SUMO2: variants seen among roughly 807,000 people sequenced by gnomAD.
SUMO2 encodes small ubiquitin like modifier 2.
A neutral mutation model predicts 16.0 loss-of-function variants in SUMO2; 1 was observed. The ratio of observed to expected loss-of-function variants is 0.06; its 90% CI spans 0.02 to 0.30. The LOEUF is 0.30. SUMO2 is among the 10% of genes least tolerant of loss of function. The pLI is 1.00. For synonymous variants in SUMO2, 36 were observed against 40.6 expected, an observed-to-expected ratio of 0.89 and a Z score of 0.43; for missense variants, 16 against 117.5, an observed-to-expected ratio of 0.14 and a Z score of 3.99.
At chr17:75,179,189 C>T (rs1056077812) in intron 2 of SUMO2, among the ~76,000 whole-genome samples, 41 of 152,078 alleles carry the variant, frequency 2.7e-4, no homozygotes, top group Admixed American at 1.3e-4. Context: ...TAACACAATT[C>T]ATAAGTTCAT....
intron 3 of SUMO2, among the ~76,000 whole-genome samples, chr17:75,173,541 C>G (rs2074758614): frequency 6.6e-6 from 1 of 150,384 alleles, no homozygotes; most frequent in African/African-American, 2.4e-5. Context: ...GTGGTACCAT[C>G]TTGGGTGACG....
chr17:75,181,961 G>C (rs1403027589), intron 1 of SUMO2, among the ~76,000 whole-genome samples: 1 of 152,142 alleles, frequency 6.6e-6, no homozygotes, highest in Non-Finnish European at 1.5e-5. Context: ...GCTCCAGAAA[G>C]TAAAGGCGCG....
At chr17:75,180,412 A>AAAC (rs1555655464) in intron 2 of SUMO2, among the ~76,000 whole-genome samples, 6 of 142,450 alleles carry the variant, frequency 4.2e-5, no homozygotes, top group South Asian at 2.2e-4. Context: ...AAAAAAAAAA[A>AAAC]AAAAAAAAAC....
In SUMO2 at chr17:75,167,536, T is replaced by A. The variant is rs1465156327; in HGVS notation, c.*803A>T. 6.6e-6 allele frequency: 1 copy of A among 152,144 alleles called. No homozygotes were observed. Among genetic ancestry groups the A allele is most frequent in the Non-Finnish European group, 1.5e-5 (1 of 68,030 alleles). 9.4% of individuals were successfully genotyped at this position (152,144 alleles called of 1,614,324 possible). A position where few individuals can be genotyped will look rare whatever the true frequency, so the allele number is the denominator to read the frequency against. ...CTGCTAGTATACTTGCATATTAACA[T>A]GGGACCTAGAGAAACTTTTGGAACA... On this transcript the variant is annotated 3_prime_UTR_variant, in exon 4 of 4. Transcript: ENST00000420826.
At chr17:75,178,997 C>G (rs1445885909) in intron 2 of SUMO2, among the ~76,000 whole-genome samples, 4 of 152,104 alleles carry the variant, frequency 2.6e-5, no homozygotes, top group Admixed American at 2.6e-4. Context: ...ACTATGTTGT[C>G]CAGACTGGTC....
chr17:75,171,429 G>A (rs1007311090), intron 3 of SUMO2, among the ~76,000 whole-genome samples: 2 of 151,620 alleles, frequency 1.3e-5, no homozygotes, highest in African/African-American at 2.4e-5. Context: ...CAGGAGAATC[G>A]CTTGAACCCA....
At chr17:75,182,110 C>A (rs1169656094) in intron 1 of SUMO2, among the ~76,000 whole-genome samples, 2 of 152,182 alleles carry the variant, frequency 1.3e-5, no homozygotes, top group Non-Finnish European at 2.9e-5. Flanking sequence ...TCTCTCTGCT[C>A]GTACCTGTGC....
chr17:75,168,448 A>C, intron 3 of SUMO2, 47 bp from the exon 4 acceptor site: 4 of 1,524,098 alleles, frequency 2.6e-6, no homozygotes, highest in Non-Finnish European at 3.6e-6. Context: ...TTAAGTTCTG[A>C]AAATTAATGA....
At chr17:75,170,387 T>C (rs989158217) in intron 3 of SUMO2, among the ~76,000 whole-genome samples, 3 of 151,532 alleles carry the variant, frequency 2.0e-5, no homozygotes, top group East Asian at 3.9e-4. Flanking sequence ...CTGGCCAACA[T>C]GGTGAAACCC....
At chr17:75,176,213 G>A (rs1046646149) in intron 2 of SUMO2, among the ~76,000 whole-genome samples, 3 of 151,832 alleles carry the variant, frequency 2.0e-5, no homozygotes, top group Non-Finnish European at 4.4e-5. Context: ...CTAATTTTTT[G>A]TATTTTAGTA....
intron 2 of SUMO2, among the ~76,000 whole-genome samples, chr17:75,178,893 T>C (rs1465825490): frequency 6.6e-6 from 1 of 151,994 alleles, no homozygotes. Flanking sequence ...AGGCGGAGGA[T>C]GCAGTGAGCC....
intron 2 of SUMO2, among the ~76,000 whole-genome samples, chr17:75,177,112 G>A (rs1303727661): frequency 1.3e-5 from 2 of 151,800 alleles, no homozygotes; most frequent in African/African-American, 4.8e-5. Context: ...GCATGAACCC[G>A]GGAGGTGGAG....
At chr17:75,174,719 G>A in intron 3 of SUMO2, 33 bp downstream of exon 3, 1 of 1,579,764 alleles carries the variant, frequency 6.3e-7, no homozygotes, top group Non-Finnish European at 8.7e-7. Context: ...AATTACAAAT[G>A]GTAATTTTTC....
At chr17:75,170,247 C>T (rs2074726609) in intron 3 of SUMO2, among the ~76,000 whole-genome samples, 1 of 152,146 alleles carries the variant, frequency 6.6e-6, no homozygotes, top group African/African-American at 2.4e-5. Context: ...CGCTGCACTG[C>T]TTAGCAAAGA....
chr17:75,182,655 AG>A (rs2074838873), intron 1 of SUMO2, 158 bp downstream of exon 1: 6 of 452,788 alleles, frequency 1.3e-5, no homozygotes, highest in African/African-American at 2.1e-5. Context: ...GAAGAGAGGG[AG>A]GGAGGAAAAT....
intron 2 of SUMO2, among the ~76,000 whole-genome samples, chr17:75,179,322 A>G (rs2074808384): frequency 1.3e-5 from 2 of 152,190 alleles, no homozygotes; most frequent in African/African-American, 4.8e-5. Flanking sequence ...TGAGGTCAGG[A>G]GCTCAAGACC....
At chr17:75,171,551 A>C (rs969547885) in intron 3 of SUMO2, among the ~76,000 whole-genome samples, 1 of 151,984 alleles carries the variant, frequency 6.6e-6, no homozygotes, top group East Asian at 1.9e-4. Flanking sequence ...GGGAGGCAGG[A>C]GGCCTGCTAA....
rs542554643 is a variant in SUMO2, at chr17:75,177,846, G to A, written c.154-3023C>T. 1.9e-3 allele frequency among the ~76,000 whole-genome samples: 271 copies of A among 143,476 alleles called. 1 individual carries two copies. The South Asian group carries it at 0.023, about 12-fold the overall frequency. The allele number at this position is 143,476 out of a possible 152,430, so 94.1% of individuals were successfully genotyped here. On this transcript the variant is annotated intron_variant, in intron 2 of 3. Coordinates refer to ENST00000420826, the MANE Select transcript of SUMO2 (RefSeq NM_006937.4). ...CGTTTCTACGAAAAATAAATTAGCC[G>A]AGCACGGTGGTAGGTGCCTATAATC...
chr17:75,178,500 C>T (rs920809244), intron 2 of SUMO2, among the ~76,000 whole-genome samples: 7 of 130,000 alleles, frequency 5.4e-5, no homozygotes, highest in African/African-American at 1.2e-4. Context: ...GGCAACAGTG[C>T]GAGACTCTCA....
Sources: allele counts gnomAD v4.1 joint callset (sites outside exome capture counted in the v4.1 genomes callset), GRCh38; gene constraint gnomAD v4.1.1; transcripts MANE v1.5; gene names NCBI Gene and HGNC (gene_info 2026-07-23, HGNC 2026-07-21).